THSD4: variants seen among roughly 807,000 people sequenced by gnomAD.
THSD4 encodes the protein thrombospondin type 1 domain containing 4.
In THSD4, 69 loss-of-function variants were observed where a neutral mutation model predicts 119.0. That is an observed-to-expected ratio of 0.58 (90% CI 0.48 to 0.71). The LOEUF (loss-of-function observed/expected upper bound fraction) is 0.71. THSD4 is among the 30% of genes least tolerant of loss of function. The probability of loss-of-function intolerance (pLI) is 0.00; values close to 1 mark genes in which losing one functional copy is unlikely to be tolerated. For synonymous variants in THSD4, 524 were observed against 540.4 expected (o/e 0.97, Z 0.42); for missense variants, 1,393 against 1,391.1 (o/e 1.00, Z -0.02).
intron 6 of THSD4, among the ~76,000 whole-genome samples, chr15:71,397,658 A>G (rs1057428295): frequency 1.3e-5 from 2 of 152,234 alleles, no homozygotes; most frequent in African/African-American, 2.4e-5. Flanking sequence ...ATATGTACTC[A>G]GAGGAAAGAA....
chr15:71,606,819 C>T lies in THSD4; in HGVS notation c.1153-53711C>T, dbSNP rs772015653. Among the ~76,000 whole-genome samples the T allele has an allele frequency of 5.3e-4, 81 of 152,312 alleles. 1 individual carries two copies. Among genetic ancestry groups the T allele is most frequent in the Middle Eastern group, 3.4e-3 (1 of 294 alleles). ...CCTCCCAGAGTGCTGGGATTACAGGCGTGAGCCACCATGCCCAGCCTCAAA... is the reference window on the plus strand; with the variant it reads ...CCTCCCAGAGTGCTGGGATTACAGGTGTGAGCCACCATGCCCAGCCTCAAA... On this transcript the variant is annotated intron_variant, in intron 7 of 17. Coordinates refer to ENST00000261862, the MANE Select transcript of THSD4 (RefSeq NM_024817.3).
At chr15:71,279,372 A>G (rs1411498969) in intron 6 of THSD4, among the ~76,000 whole-genome samples, 3 of 150,292 alleles carry the variant, frequency 2.0e-5, no homozygotes, top group Admixed American at 6.6e-5. Flanking sequence ...GCCTGGTCCT[A>G]CACCCAGTTG....
intron 7 of THSD4, among the ~76,000 whole-genome samples, chr15:71,643,952 G>T (rs1222905085): frequency 6.6e-6 from 1 of 152,196 alleles, no homozygotes; most frequent in East Asian, 1.9e-4. Context: ...ACACGTAGGC[G>T]TATACTGTGG....
chr15:71,631,752 G>C (rs753657131), intron 7 of THSD4, among the ~76,000 whole-genome samples: 4 of 152,152 alleles, frequency 2.6e-5, no homozygotes, highest in Admixed American at 6.5e-5. Context: ...TGTTGGCTGG[G>C]GTCTTGTGAT....
intron 7 of THSD4, among the ~76,000 whole-genome samples, chr15:71,519,753 C>A (rs1032164025): frequency 3.3e-5 from 5 of 152,170 alleles, no homozygotes; most frequent in African/African-American, 1.2e-4. Flanking sequence ...GTTAGAAGAA[C>A]ATGAACATCA....
rs756295653 is a variant in THSD4 at position 71,256,704 on chromosome 15, C to A, written c.1004C>A (p.Pro335Gln). The A allele has an allele frequency of 6.2e-7, 1 of 1,613,674 alleles. No individual in the cohort carries two copies. Among genetic ancestry groups the A allele is most frequent in the East Asian group, 2.2e-5 (1 of 44,852 alleles). ...PFMGRFYEWEPFAEVKGNRKC... is the reference protein window; with the variant it reads ...PFMGRFYEWEQFAEVKGNRKC... The stretch of plus-strand genomic sequence containing the variant: ...ATGGGCCGGTTTTATGAGTGGGAAC[C>A]ATTTGCAGAAGGTAAGAATAGACCC... The change falls in exon 6 of 18, where the codon CCA becomes CAA. Residue 335 changes from proline to glutamine, a missense_variant. By Grantham distance (76) the Pro-to-Gln change is moderately conservative. Coordinates refer to ENST00000261862, the MANE Select transcript of THSD4 (RefSeq NM_024817.3).
intron 1 of THSD4, among the ~76,000 whole-genome samples, chr15:71,101,132 T>C (rs1432382047): frequency 6.6e-6 from 1 of 152,158 alleles, no homozygotes; most frequent in Non-Finnish European, 1.5e-5. Flanking sequence ...TCTTCTGAAA[T>C]ATTTGAATAT....
chr15:71,099,934 G>A lies in THSD4; in HGVS notation c.-80+2928G>A, dbSNP rs565455895. The stretch of plus-strand genomic sequence containing the variant: ...GTGATTGTGCCACATACAGTCATCC[G>A]GCCTGGGTGACAGTTTTCTTTGTTT... On this transcript the variant is annotated intron_variant, in intron 1 of 17. Transcript: ENST00000355327. 5.9e-5 allele frequency among the ~76,000 whole-genome samples: 9 copies of A among 152,284 alleles called. No homozygotes were observed. In the South Asian group the frequency reaches 1.5e-3, roughly 25 times the overall value.
At chr15:71,756,435 T>A (rs1309717262) in intron 14 of THSD4, among the ~76,000 whole-genome samples, 1 of 152,168 alleles carries the variant, frequency 6.6e-6, no homozygotes, top group African/African-American at 2.4e-5. Flanking sequence ...AAGGTGTACA[T>A]GCTGGATTCA....
At chr15:71,425,357 A>G (rs553691045) in intron 7 of THSD4, among the ~76,000 whole-genome samples, 2 of 152,262 alleles carry the variant, frequency 1.3e-5, no homozygotes, top group South Asian at 2.1e-4. Context: ...AGAGTTGTTT[A>G]TATGTGTTGG....
At chr15:71,362,692 G>A (rs1279184680) in intron 6 of THSD4, among the ~76,000 whole-genome samples, 1 of 151,954 alleles carries the variant, frequency 6.6e-6, no homozygotes, top group African/African-American at 2.4e-5. Context: ...TCCATGCATG[G>A]TCCCGGTGCT....
At chr15:71,319,532 A>T (rs2045239678) in intron 6 of THSD4, among the ~76,000 whole-genome samples, 1 of 151,810 alleles carries the variant, frequency 6.6e-6, no homozygotes, top group African/African-American at 2.4e-5. Context: ...GTTTGCTCAG[A>T]ATGATGGTTT....
At chr15:71,479,325 C>A (rs532787108) in intron 7 of THSD4, among the ~76,000 whole-genome samples, 1 of 151,632 alleles carries the variant, frequency 6.6e-6, no homozygotes, top group African/African-American at 2.4e-5. Context: ...TTGTCATGTT[C>A]ACAACTTCTG....
chr15:71,583,560 A>G (rs1274691351), intron 7 of THSD4, among the ~76,000 whole-genome samples: 2 of 139,016 alleles, frequency 1.4e-5, no homozygotes, highest in Non-Finnish European at 3.2e-5. Flanking sequence ...TCCTCTTAGA[A>G]CTGCTTTTGC....
At chr15:71,337,780 C>A (rs1037068862) in intron 6 of THSD4, among the ~76,000 whole-genome samples, 1 of 152,120 alleles carries the variant, frequency 6.6e-6, no homozygotes, top group Non-Finnish European at 1.5e-5. Context: ...CCACCGGAGA[C>A]GTTCCCAGCA....
chr15:71,453,086 G>T (rs1299997998), intron 7 of THSD4, among the ~76,000 whole-genome samples: 2 of 152,230 alleles, frequency 1.3e-5, no homozygotes, highest in African/African-American at 4.8e-5. Context: ...CAGAAAGAGA[G>T]CCTCACGAGA....
chr15:71,279,676 G>A (rs549887072), intron 6 of THSD4, among the ~76,000 whole-genome samples: 1 of 152,098 alleles, frequency 6.6e-6, no homozygotes, highest in Non-Finnish European at 1.5e-5. Flanking sequence ...ATCCTGCCTC[G>A]TGGAAACTGG....
chr15:71,728,059 C>G (rs2052897952), intron 8 of THSD4, among the ~76,000 whole-genome samples: 1 of 151,980 alleles, frequency 6.6e-6, no homozygotes, highest in African/African-American at 2.4e-5. Flanking sequence ...AGCCAGAACT[C>G]TTAAATTTTT....
At chr15:71,276,560 T>C (rs1241092539) in intron 6 of THSD4, among the ~76,000 whole-genome samples, 2 of 152,222 alleles carry the variant, frequency 1.3e-5, no homozygotes, top group African/African-American at 4.8e-5. Context: ...GCTACATCTG[T>C]GCTGCCTCTT....
Sources: gnomAD v4.1 joint callset for allele counts (sites outside exome capture counted in the v4.1 genomes callset) on GRCh38, gnomAD v4.1.1 for gene constraint, MANE v1.5 for transcripts, NCBI Gene and HGNC (gene_info 2026-07-23, HGNC 2026-07-21) for gene names.